The following KPNA4 variants were observed in gnomAD, a reference collection of about 807,000 sequenced individuals.
KPNA4 encodes the protein importin subunit alpha-3.
KPNA4 carries 13 observed loss-of-function variants against 71.3 expected under a neutral mutation model. That is an observed-to-expected ratio of 0.18 (90% CI 0.12 to 0.29). The LOEUF (loss-of-function observed/expected upper bound fraction) is 0.29, where lower values mean the gene tolerates loss of function less well. Ranked by LOEUF, KPNA4 falls within the 10% of genes least tolerant of loss-of-function variation. The probability of loss-of-function intolerance (pLI) is 1.00; values close to 1 mark genes in which losing one functional copy is unlikely to be tolerated. For missense variants in KPNA4, 334 were observed against 603.2 expected, an observed-to-expected ratio of 0.55 and a Z score of 4.67; for synonymous variants, 189 against 195.2, an observed-to-expected ratio of 0.97 and a Z score of 0.26.
At chr3:160,540,494 GTTTTC>G (rs966069291) in intron 1 of KPNA4, among the ~76,000 whole-genome samples, 3 of 152,074 alleles carry the variant, frequency 2.0e-5, no homozygotes, top group African/African-American at 7.2e-5. Context: ...TAGAGCAAGG[GTTTTC>G]TTTTCCTCTC....
Position 160,508,287 on chromosome 3 carries a change from CAT to C in KPNA4, c.1210-20_1210-19del. On this transcript the variant is annotated intron_variant, in intron 14 of 16. Transcript: ENST00000334256. ...TAAGCCACCTGAAGAATAAAAACAA[CAT>C]AAAATAATGCAATATAGGTAAACTT... 6.4e-6 allele frequency: 10 copies of C among 1,560,628 alleles called. No individual in the cohort carries two copies. The highest frequency in any genetic ancestry group is 1.7e-4 in the Middle Eastern group (1 of 5,808).
chr3:160,555,784 G>A (rs1468397223), intron 1 of KPNA4, among the ~76,000 whole-genome samples: 2 of 151,750 alleles, frequency 1.3e-5, no homozygotes, highest in East Asian at 3.8e-4. Flanking sequence ...CAGTTAATGG[G>A]TATTTGGGTT....
chr3:160,507,636 C>T (rs542264338), intron 15 of KPNA4, among the ~76,000 whole-genome samples: 1 of 152,214 alleles, frequency 6.6e-6, no homozygotes, highest in East Asian at 1.9e-4. Context: ...CTATTTCTGA[C>T]CTCAGACTTT....
At chr3:160,534,972 T>A (rs1048837497) in intron 5 of KPNA4, among the ~76,000 whole-genome samples, 1 of 151,872 alleles carries the variant, frequency 6.6e-6, no homozygotes, top group Non-Finnish European at 1.5e-5. Context: ...TCCGCCCACC[T>A]CGGCCTCCCA....
chr3:160,525,200 T>C (rs1721434431), intron 10 of KPNA4, among the ~76,000 whole-genome samples: 4 of 152,216 alleles, frequency 2.6e-5, no homozygotes, highest in Non-Finnish European at 4.4e-5. Flanking sequence ...GATTTTTTTT[T>C]CCTGTTGTTT....
intron 8 of KPNA4, among the ~76,000 whole-genome samples, chr3:160,527,529 A>C (rs1385203469): frequency 6.6e-6 from 1 of 151,942 alleles, no homozygotes; most frequent in African/African-American, 2.4e-5. Flanking sequence ...TTCATTTTAG[A>C]CTCTTCTCAG....
chr3:160,526,158 A>G (rs1480940715), intron 8 of KPNA4, 51 bp from the exon 9 acceptor site: 2 of 1,336,192 alleles, frequency 1.5e-6, no homozygotes, highest in Middle Eastern at 2.8e-4. Context: ...GACAGTAAGC[A>G]TTTTCAGAAA....
intron 5 of KPNA4, among the ~76,000 whole-genome samples, chr3:160,534,497 A>G (rs1721641118): frequency 6.6e-6 from 1 of 151,974 alleles, no homozygotes; most frequent in Non-Finnish European, 1.5e-5. Context: ...AGGCAGGTGG[A>G]TCACAAGGTC....
At chr3:160,534,612 G>A (rs1280309712) in intron 5 of KPNA4, among the ~76,000 whole-genome samples, 1 of 149,812 alleles carries the variant, frequency 6.7e-6, no homozygotes, top group Non-Finnish European at 1.5e-5. Context: ...CATCTACTTG[G>A]GAGGCTGAGG....
intron 1 of KPNA4, among the ~76,000 whole-genome samples, chr3:160,559,782 G>A (rs1481987890): frequency 6.6e-6 from 1 of 152,088 alleles, no homozygotes; most frequent in African/African-American, 2.4e-5. Context: ...TATCACAAAA[G>A]ACTGAATGCA....
At position 160,500,518 on chromosome 3, in the gene KPNA4, T is replaced by C. The variant is rs1157386908; in HGVS notation, c.*1586A>G. On this transcript the variant is annotated 3_prime_UTR_variant, in exon 17 of 17. Coordinates refer to ENST00000334256, the MANE Select transcript of KPNA4 (RefSeq NM_002268.5). ...GGATTTCCTACAATGAGCCACCTTA[T>C]AAAGAGTTCTTTTTGTACAAATTAA... 3 of 152,664 alleles carry C rather than the reference T, an allele frequency of 2.0e-5. No homozygotes were observed. Among genetic ancestry groups the C allele is most frequent in the Non-Finnish European group, 2.9e-5 (2 of 68,032 alleles). The allele number at this position is 152,664 out of a possible 1,614,324, so 9.5% of individuals were successfully genotyped here.
chr3:160,550,363 T>C (rs1049368838), intron 1 of KPNA4, among the ~76,000 whole-genome samples: 1 of 152,226 alleles, frequency 6.6e-6, no homozygotes, highest in Non-Finnish European at 1.5e-5. Context: ...GCTCAAGCAA[T>C]CTTCCCCCCT....
At chr3:160,510,799 C>CT (rs138120936) in intron 13 of KPNA4, among the ~76,000 whole-genome samples, 27 of 148,466 alleles carry the variant, frequency 1.8e-4, no homozygotes, top group South Asian at 8.5e-4. Flanking sequence ...ACAAGCTATT[C>CT]TTTTTTTTTT....
chr3:160,558,674 G>A (rs557557826), intron 1 of KPNA4, among the ~76,000 whole-genome samples: 5 of 152,230 alleles, frequency 3.3e-5, no homozygotes, highest in African/African-American at 4.8e-5. Context: ...CATGGTCCAC[G>A]GGCCCCTATG....
rs1020287140 is a variant in KPNA4 at position 160,548,410 on chromosome 3, T to G, written c.70-11570A>C. Among the ~76,000 whole-genome samples the G allele has an allele frequency of 2.7e-4, 41 of 152,184 alleles. 1 individual carries two copies. Among genetic ancestry groups the G allele is most frequent in the Non-Finnish European group, 2.6e-4 (18 of 68,028 alleles). ...TTGTGCATCAAATCTCCCAAAACTA[T>G]CCTGGTCTTGCAAAAACGAAACACT... On this transcript the variant is annotated intron_variant, in intron 1 of 16. Transcript: ENST00000334256.
rs71628425 is a variant in KPNA4, at chr3:160,535,900, TAAAAAAAAAAA to T, written c.115-14_115-4del. The T allele has an allele frequency of 9.5e-5, 31 of 325,364 alleles. No homozygotes were observed. The South Asian group carries it at 3.3e-3, about 35-fold the overall frequency. The allele number at this position is 325,364 out of a possible 1,614,324, so 20.2% of individuals were successfully genotyped here. Reference sequence around the variant, plus strand: ...AAGAGATGTTCATCTCTTTTATTCTTAAAAAAAAAAAAAAAAAAAAAAAAACCAAACAGAGA... The same window carrying T: ...AAGAGATGTTCATCTCTTTTATTCTTAAAAAAAAAAAAAACCAAACAGAGA... On this transcript the variant is annotated splice_polypyrimidine_tract_variant and splice_region_variant and intron_variant, in intron 2 of 16. Transcript: ENST00000334256.
chr3:160,549,752 T>C lies in KPNA4; in HGVS notation c.70-12912A>G, dbSNP rs151016893. Among the ~76,000 whole-genome samples the C allele has an allele frequency of 7.9e-5, 12 of 152,368 alleles. No homozygotes were observed. The East Asian group carries it at 2.3e-3, about 29-fold the overall frequency. On this transcript the variant is annotated intron_variant, in intron 1 of 16. Coordinates refer to ENST00000334256, the MANE Select transcript of KPNA4 (RefSeq NM_002268.5). Reference sequence around the variant, plus strand: ...AGATTGTTTTGGATATTCAGAGTCCTTGTGGTACCTTATGAAGACTGCTTT... The same window carrying C: ...AGATTGTTTTGGATATTCAGAGTCCCTGTGGTACCTTATGAAGACTGCTTT...
intron 5 of KPNA4, among the ~76,000 whole-genome samples, chr3:160,533,094 G>A (rs2108552784): frequency 6.6e-6 from 1 of 152,182 alleles, no homozygotes; most frequent in Middle Eastern, 3.4e-3. Context: ...TGCCACCTTG[G>A]CTCACTACAA....
intron 1 of KPNA4, among the ~76,000 whole-genome samples, chr3:160,563,350 C>CA (rs1722281910): frequency 6.6e-6 from 1 of 152,146 alleles, no homozygotes; most frequent in Non-Finnish European, 1.5e-5. Context: ...TCTAAGAAGA[C>CA]AAAAACTGGT....
Sources: allele counts gnomAD v4.1 joint callset (sites outside exome capture counted in the v4.1 genomes callset), GRCh38; gene constraint gnomAD v4.1.1; transcripts MANE v1.5; gene names NCBI Gene and HGNC (gene_info 2026-07-23, HGNC 2026-07-21).